The following CTNND2 variants were observed in gnomAD, a reference collection of about 807,000 sequenced individuals.
CTNND2 encodes catenin delta 2.
Under a neutral mutation model 144.4 loss-of-function variants are expected in CTNND2, and 22 were observed. The observed-to-expected ratio is 0.15, with a 90% confidence interval of 0.11 to 0.22. CTNND2 has a LOEUF of 0.22. CTNND2 is among the 10% of genes least tolerant of loss of function. The pLI is 1.00. For missense variants in CTNND2, 1,353 were observed against 1,618.8 expected (o/e 0.84, Z 2.82); for synonymous variants, 751 against 695.6 (o/e 1.08, Z -1.25).
At chr5:11,677,975 A>G (rs1304998413) in intron 2 of CTNND2, among the ~76,000 whole-genome samples, 1 of 152,186 alleles carries the variant, frequency 6.6e-6, no homozygotes, top group African/African-American at 2.4e-5. Context: ...CATTCTGGTT[A>G]ACATCCCATA....
intron 2 of CTNND2, among the ~76,000 whole-genome samples, chr5:11,696,419 C>G (rs1785143019): frequency 6.6e-6 from 1 of 152,160 alleles, no homozygotes; most frequent in Non-Finnish European, 1.5e-5. Flanking sequence ...AGTTCAAGCC[C>G]CACTGCAGAT....
At chr5:11,754,329 C>G (rs1433719951) in intron 1 of CTNND2, among the ~76,000 whole-genome samples, 1 of 144,628 alleles carries the variant, frequency 6.9e-6, no homozygotes, top group African/African-American at 2.6e-5. Flanking sequence ...AAATGTTTCT[C>G]TTAACAATGT....
chr5:11,469,485 C>G (rs1008241123), intron 3 of CTNND2, among the ~76,000 whole-genome samples: 1 of 152,092 alleles, frequency 6.6e-6, no homozygotes, highest in Admixed American at 6.5e-5. Flanking sequence ...TATTGGAGCA[C>G]CAGGGCCCTG....
chr5:11,818,004 T>TTTTTTTTTTTTTTC lies in CTNND2; in HGVS notation c.38-85733_38-85732insGAAAAAAAAAAAAA, dbSNP rs1554126308. On this transcript the variant is annotated intron_variant, in intron 1 of 21. Transcript: ENST00000304623. ...GTGTTTTTTTTTTTTTTTTTTTTTTTCAGTTCTCCTCCATCCAATATCAAA... is the reference window on the plus strand; with the variant it reads ...GTGTTTTTTTTTTTTTTTTTTTTTTTTTTTTTTTTTTTTCCAGTTCTCCTCCATCCAATATCAAA... Among the ~76,000 whole-genome samples the TTTTTTTTTTTTTTC allele has an allele frequency of 7.5e-5, 7 of 93,282 alleles. 3 individuals carry two copies. Among genetic ancestry groups the TTTTTTTTTTTTTTC allele is most frequent in the Non-Finnish European group, 6.3e-5 (3 of 47,318 alleles). The allele number at this position is 93,282 out of a possible 152,430, so 61.2% of individuals were successfully genotyped here.
At chr5:11,332,548 A>C (rs1561232419) in intron 9 of CTNND2, among the ~76,000 whole-genome samples, 1 of 152,186 alleles carries the variant, frequency 6.6e-6, no homozygotes, top group Non-Finnish European at 1.5e-5. Flanking sequence ...CATTAAGTAC[A>C]TTCATACTGT....
intron 16 of CTNND2, among the ~76,000 whole-genome samples, chr5:11,056,354 G>A (rs1008820518): frequency 6.6e-6 from 1 of 152,114 alleles, no homozygotes; most frequent in Non-Finnish European, 1.5e-5. Context: ...GAAAACAAAT[G>A]GAAATGAATC....
At chr5:11,032,098 A>T (rs1019445130) in intron 16 of CTNND2, among the ~76,000 whole-genome samples, 1 of 152,230 alleles carries the variant, frequency 6.6e-6, no homozygotes, top group African/African-American at 2.4e-5. Flanking sequence ...TGACTAATAG[A>T]CAGATTCTGC....
chr5:11,565,621 C>T (rs1339080999), intron 2 of CTNND2, among the ~76,000 whole-genome samples: 1 of 152,232 alleles, frequency 6.6e-6, no homozygotes, highest in African/African-American at 2.4e-5. Flanking sequence ...CAATTCTACA[C>T]AGCCTCATTA....
At chr5:11,114,629 G>A (rs1753360072) in intron 13 of CTNND2, among the ~76,000 whole-genome samples, 1 of 152,076 alleles carries the variant, frequency 6.6e-6, no homozygotes, top group South Asian at 2.1e-4. Flanking sequence ...TGGTTACCAG[G>A]GTCATTTTGA....
chr5:11,580,764 A>T (rs1581547461), intron 2 of CTNND2, among the ~76,000 whole-genome samples: 1 of 152,222 alleles, frequency 6.6e-6, no homozygotes, highest in Admixed American at 6.5e-5. Flanking sequence ...TAAAAATAAA[A>T]TGATTCTATC....
intron 9 of CTNND2, among the ~76,000 whole-genome samples, chr5:11,291,408 T>C (rs1249546213): frequency 6.6e-6 from 1 of 152,182 alleles, no homozygotes; most frequent in East Asian, 1.9e-4. Context: ...GTCCCAAGTT[T>C]GATCCTGTTC....
At chr5:11,399,113 G>A (rs1760402319) in intron 5 of CTNND2, among the ~76,000 whole-genome samples, 1 of 152,174 alleles carries the variant, frequency 6.6e-6, no homozygotes, top group Admixed American at 6.5e-5. Context: ...AAAAGCAAAG[G>A]CCTTTTCAGC....
intron 5 of CTNND2, among the ~76,000 whole-genome samples, chr5:11,405,438 C>T (rs374017390): frequency 6.8e-4 from 103 of 152,220 alleles, no homozygotes; most frequent in African/African-American, 2.3e-3. Context: ...AGAAATTAGG[C>T]CGGAGCAGTG....
intron 12 of CTNND2, among the ~76,000 whole-genome samples, chr5:11,130,645 C>G (rs111859009): frequency 2.7e-3 from 407 of 152,244 alleles, no homozygotes; most frequent in African/African-American, 9.3e-3. Context: ...GTGCGGGTGG[C>G]CCTTTGTGCT....
intron 1 of CTNND2, among the ~76,000 whole-genome samples, chr5:11,876,345 A>G (rs999239375): frequency 6.6e-6 from 1 of 151,920 alleles, no homozygotes; most frequent in Non-Finnish European, 1.5e-5. Flanking sequence ...AGAGAAAAGA[A>G]AAGAGAAAAG....
intron 2 of CTNND2, among the ~76,000 whole-genome samples, chr5:11,719,071 C>T (rs1786515438): frequency 6.6e-6 from 1 of 152,198 alleles, no homozygotes; most frequent in South Asian, 2.1e-4. Flanking sequence ...CATTACAACA[C>T]TGAGAGCTAA....
chr5:11,323,267 C>G (rs1165734629), intron 9 of CTNND2, among the ~76,000 whole-genome samples: 1 of 149,444 alleles, frequency 6.7e-6, no homozygotes, highest in Non-Finnish European at 1.5e-5. Flanking sequence ...CCAGGCTGGT[C>G]TTGAACTCCC....
At chr5:10,993,980 CA>C (rs1738998729) in intron 18 of CTNND2, among the ~76,000 whole-genome samples, 1 of 151,334 alleles carries the variant, frequency 6.6e-6, no homozygotes, top group African/African-American at 2.4e-5. Context: ...AAAGTGGGAA[CA>C]GGGGCTGGGA....
chr5:10,987,070 T>TAG (rs55793590), intron 20 of CTNND2, among the ~76,000 whole-genome samples: 54,804 of 151,952 alleles, frequency 0.36, 10,054 homozygotes, highest in East Asian at 0.45. Flanking sequence ...CTCTTCCTCA[T>TAG]AGCCTATTTT....
Sources: gnomAD v4.1 joint callset for allele counts (sites outside exome capture counted in the v4.1 genomes callset) on GRCh38, gnomAD v4.1.1 for gene constraint, MANE v1.5 for transcripts, NCBI Gene and HGNC (gene_info 2026-07-23, HGNC 2026-07-21) for gene names.